The following RGS22 variants were observed in gnomAD, a reference collection of about 807,000 sequenced individuals.
The protein encoded by RGS22 is regulator of G protein signaling 22.
RGS22 carries 148 observed loss-of-function variants against 172.9 expected under a neutral mutation model. The observed-to-expected ratio is 0.86, with a 90% CI of 0.75 to 0.98. The LOEUF is 0.98. RGS22 is among the 50% of genes least tolerant of loss of function. The pLI is 0.00. For synonymous variants in RGS22, 458 were observed against 480.2 expected, an observed-to-expected ratio of 0.95 and a Z score of 0.60; for missense variants, 1,347 against 1,440.8, an observed-to-expected ratio of 0.93 and a Z score of 1.05.
intron 18 of RGS22, among the ~76,000 whole-genome samples, chr8:99,999,793 T>C (rs550843778): frequency 2.2e-4 from 33 of 152,348 alleles, no homozygotes; most frequent in Admixed American, 1.6e-3. Context: ...TATGAATCTC[T>C]GATTCTAGTC....
At chr8:100,104,329 C>CGTGTGTGTGTGTGTGTGT (rs34385626) in intron 2 of RGS22, among the ~76,000 whole-genome samples, 2 of 140,358 alleles carry the variant, frequency 1.4e-5, no homozygotes, top group South Asian at 4.6e-4. Flanking sequence ...AAAATATGTG[C>CGTGTGTGTGTGTGTGTGT]GTGTGTGTGT....
intron 14 of RGS22, among the ~76,000 whole-genome samples, chr8:100,019,551 T>G (rs539472458): frequency 1.3e-5 from 2 of 152,214 alleles, no homozygotes; most frequent in Middle Eastern, 3.2e-3. Context: ...TCAAAACCTA[T>G]GTACTGTGAG....
intron 18 of RGS22, among the ~76,000 whole-genome samples, chr8:100,000,068 T>G (rs929757967): frequency 3.3e-5 from 5 of 152,164 alleles, no homozygotes; most frequent in African/African-American, 1.2e-4. Context: ...AAGTACCATT[T>G]GTAAAACACA....
chr8:100,085,062 T>A (rs1812065346), intron 3 of RGS22, among the ~76,000 whole-genome samples: 1 of 152,008 alleles, frequency 6.6e-6, no homozygotes, highest in Non-Finnish European at 1.5e-5. Flanking sequence ...ATGGAAGAAA[T>A]GTTGGGCAAA....
intron 14 of RGS22, among the ~76,000 whole-genome samples, chr8:100,011,674 T>A (rs1046175277): frequency 6.6e-6 from 1 of 152,190 alleles, no homozygotes; most frequent in African/African-American, 2.4e-5. Context: ...ATGGACTAGA[T>A]ACTGACTCCA....
intron 4 of RGS22, among the ~76,000 whole-genome samples, chr8:100,075,148 T>C (rs1030716208): frequency 6.6e-6 from 1 of 152,146 alleles, no homozygotes; most frequent in Non-Finnish European, 1.5e-5. Flanking sequence ...GGCAGTGATA[T>C]GGTATGGATA....
chr8:100,098,711 T>TC (rs756009118), intron 2 of RGS22, among the ~76,000 whole-genome samples: 14 of 151,986 alleles, frequency 9.2e-5, no homozygotes, highest in Admixed American at 2.0e-4. Flanking sequence ...TCTTCCTTCT[T>TC]CTTCTCTTCT....
chr8:100,021,013 C>A (rs1040109181), intron 14 of RGS22, among the ~76,000 whole-genome samples: 2 of 152,220 alleles, frequency 1.3e-5, no homozygotes, highest in Non-Finnish European at 2.9e-5. Context: ...CAAATCAGGG[C>A]TGCTTTTTCC....
At chr8:100,014,465 T>C (rs916553693) in intron 14 of RGS22, among the ~76,000 whole-genome samples, 1 of 152,170 alleles carries the variant, frequency 6.6e-6, no homozygotes, top group East Asian at 1.9e-4. Flanking sequence ...CCAATGACAA[T>C]GAACTCAAAG....
At chr8:100,040,528 T>C (rs548809508) in intron 12 of RGS22, among the ~76,000 whole-genome samples, 61 of 152,194 alleles carry the variant, frequency 4.0e-4, no homozygotes, top group Non-Finnish European at 7.8e-4. Context: ...GCTCATTAAC[T>C]ATCCTTAGGG....
At position 99,987,471 on chromosome 8, in the gene RGS22, A is replaced by G; in HGVS notation, c.3167T>C (p.Val1056Ala). 1.2e-6 allele frequency: 2 copies of G among 1,606,872 alleles called. No individual in the cohort carries two copies. Among genetic ancestry groups the G allele is most frequent in the Non-Finnish European group, 1.7e-6 (2 of 1,176,194 alleles). Residue 1056 changes from valine to alanine, a missense_variant, in exon 21 of 28, where the codon GTA becomes GCA. By Grantham distance (64) the Val-to-Ala change is moderately conservative. Transcript: ENST00000360863. ...LENGLLFWQE[V>A]QKYKDLCHSH... is the part of the protein sequence containing the mutation. ...CCAATACAATACCTTATATTTTTGT[A>G]CTTCTTGCCAAAAGAGTAAACCATT...
At chr8:100,018,338 A>G (rs1817232994) in intron 14 of RGS22, among the ~76,000 whole-genome samples, 1 of 152,212 alleles carries the variant, frequency 6.6e-6, no homozygotes, top group Non-Finnish European at 1.5e-5. Flanking sequence ...ACTAGCAAGA[A>G]AAAAGATGTA....
At chr8:100,047,435 C>T (rs146283830) in intron 11 of RGS22, 28 bp downstream of exon 11, 2 of 1,566,882 alleles carry the variant, frequency 1.3e-6, no homozygotes, top group African/African-American at 1.4e-5. Flanking sequence ...TGCAGAAAAG[C>T]ACTTAACACA....
At chr8:100,015,647 C>A (rs1816869472) in intron 14 of RGS22, among the ~76,000 whole-genome samples, 1 of 152,132 alleles carries the variant, frequency 6.6e-6, no homozygotes, top group East Asian at 1.9e-4. Flanking sequence ...CTCTTCCCTG[C>A]ACTCCCCTTT....
At chr8:100,027,662 T>C (rs964677356) in intron 14 of RGS22, among the ~76,000 whole-genome samples, 4 of 152,100 alleles carry the variant, frequency 2.6e-5, no homozygotes, top group Admixed American at 2.0e-4. Context: ...TTTGTATTTT[T>C]AGTAGAGATG....
chr8:99,977,413 G>C (rs779473562), intron 23 of RGS22, among the ~76,000 whole-genome samples: 9 of 151,510 alleles, frequency 5.9e-5, no homozygotes, highest in Non-Finnish European at 1.2e-4. Context: ...GTGAGGCACC[G>C]TGTCTGGCCC....
chr8:100,053,408 G>A (rs1368293708), intron 9 of RGS22, among the ~76,000 whole-genome samples: 10 of 116,712 alleles, frequency 8.6e-5, no homozygotes, highest in African/African-American at 3.3e-4. Context: ...GGCGACAAGA[G>A]CAAAACTCCA....
intron 4 of RGS22, among the ~76,000 whole-genome samples, chr8:100,075,988 T>C: frequency 6.6e-6 from 1 of 152,242 alleles, no homozygotes; most frequent in Non-Finnish European, 1.5e-5. Flanking sequence ...CTAATGATGT[T>C]GAAAATCTTT....
chr8:100,032,892 C>T (rs1163624122), intron 14 of RGS22, among the ~76,000 whole-genome samples: 4 of 152,140 alleles, frequency 2.6e-5, no homozygotes, highest in African/African-American at 9.7e-5. Flanking sequence ...TACATGGAAA[C>T]GGAACAACCT....
Sources: gnomAD v4.1 joint callset for allele counts (sites outside exome capture counted in the v4.1 genomes callset) on GRCh38, gnomAD v4.1.1 for gene constraint, MANE v1.5 for transcripts, NCBI Gene and HGNC (gene_info 2026-07-23, HGNC 2026-07-21) for gene names.